IGDCC3: variants seen among roughly 807,000 people sequenced by gnomAD.
The protein encoded by IGDCC3 is putative neuronal cell adhesion molecule.
IGDCC3 carries 47 observed loss-of-function variants against 72.0 expected under a neutral mutation model. The ratio of observed to expected loss-of-function variants is 0.65; its 90% CI spans 0.52 to 0.83. The LOEUF (loss-of-function observed/expected upper bound fraction) is 0.83. Among genes scored for constraint, IGDCC3 ranks in the 40% least tolerant of loss-of-function variants. The probability of loss-of-function intolerance (pLI) is 0.00; values close to 1 mark genes in which losing one functional copy is unlikely to be tolerated. For missense variants in IGDCC3, 1,038 were observed against 1,091.3 expected (o/e 0.95, Z 0.69); for synonymous variants, 477 against 472.8 (o/e 1.01, Z -0.11).
At chr15:65,370,602 G>GTA (rs1236910113) in intron 2 of IGDCC3, among the ~76,000 whole-genome samples, 2 of 97,678 alleles carry the variant, frequency 2.0e-5, no homozygotes, top group Admixed American at 1.1e-4. Flanking sequence ...ATATATGTAT[G>GTA]TGTATATATA....
intron 9 of IGDCC3, 27 bp downstream of exon 9, chr15:65,331,023 G>T (rs777655118): frequency 1.2e-6 from 2 of 1,610,368 alleles, no homozygotes; most frequent in South Asian, 2.2e-5. Flanking sequence ...AGTGCCTGTG[G>T]TTTTGTGCTC....
In IGDCC3 at chr15:65,335,988, G is replaced by C. The variant is rs779832632; in HGVS notation, c.410-32C>G. 25 of 1,611,202 alleles carry C rather than the reference G, an allele frequency of 1.6e-5. 2 individuals carry two copies. In the South Asian group the frequency reaches 2.7e-4, roughly 18 times the overall value. ...GAAGAGAAGTGTATGAGTGCAGTGC[G>C]CTGCTGAGGGCAGAAGGTAGGAGAG... is the stretch of plus-strand genomic sequence containing the variant. On this transcript the variant is annotated intron_variant, in intron 2 of 13. Coordinates refer to ENST00000327987, the MANE Select transcript of IGDCC3 (RefSeq NM_004884.4).
chr15:65,366,598 A>G (rs1388963301), intron 2 of IGDCC3, among the ~76,000 whole-genome samples: 4 of 152,042 alleles, frequency 2.6e-5, no homozygotes, highest in African/African-American at 9.7e-5. Flanking sequence ...CAGAGAAGAG[A>G]GAGAGAAGGG....
intron 2 of IGDCC3, among the ~76,000 whole-genome samples, chr15:65,351,954 G>T (rs567620764): frequency 3.3e-5 from 5 of 152,242 alleles, no homozygotes; most frequent in Admixed American, 1.3e-4. Flanking sequence ...TTAAAAGGTG[G>T]TTTATAATCA....
At chr15:65,331,907 C>T in intron 7 of IGDCC3, 34 bp downstream of exon 7, 1 of 1,596,962 alleles carries the variant, frequency 6.3e-7, no homozygotes. Flanking sequence ...CTGCTCTCCC[C>T]TGGTCCTCAC....
chr15:65,337,384 C>T (rs1281327754), intron 2 of IGDCC3, among the ~76,000 whole-genome samples: 1 of 152,212 alleles, frequency 6.6e-6, no homozygotes, highest in East Asian at 1.9e-4. Flanking sequence ...GTCTGAGTGT[C>T]TGTGTCTGGA....
chr15:65,329,075 A>C lies in IGDCC3; in HGVS notation c.2279T>G (p.Met760Arg), dbSNP rs529267764. 5.3e-5 allele frequency: 85 copies of C among 1,611,542 alleles called. No individual in the cohort carries two copies. The South Asian group carries it at 8.9e-4, about 17-fold the overall frequency. Residue 760 changes from methionine to arginine, a missense_variant, in exon 14 of 14, where the codon ATG becomes AGG. Met to Arg is a moderately conservative substitution (Grantham distance 91). Coordinates refer to ENST00000327987, the MANE Select transcript of IGDCC3 (RefSeq NM_004884.4). The surrounding 1 kb of genome is among the most constrained non-coding windows in gnomAD (Gnocchi z 4.1). ...SVLPLQGCGLMEGKTTEAKTT... is the reference protein window; with the variant it reads ...SVLPLQGCGLREGKTTEAKTT... The stretch of plus-strand genomic sequence containing the variant: ...CTTCGCCTCCGTCGTCTTCCCCTCC[A>C]TCAGGCCGCACCCCTGAAGTGGCAG...
At chr15:65,367,346 CAAAAAAAAA>C (rs10609381) in intron 2 of IGDCC3, among the ~76,000 whole-genome samples, 2 of 74,436 alleles carry the variant, frequency 2.7e-5, no homozygotes, top group East Asian at 7.3e-4. Flanking sequence ...GACTTTGTCT[CAAAAAAAAA>C]AAAAAAAAAA....
At chr15:65,330,139 G>A (rs2090963095) in intron 11 of IGDCC3, among the ~76,000 whole-genome samples, 154 bp downstream of exon 11, 1 of 152,200 alleles carries the variant, frequency 6.6e-6, no homozygotes, top group East Asian at 1.9e-4. Flanking sequence ...GAGAGGTTAA[G>A]TAACTTGACC....
intron 6 of IGDCC3, among the ~76,000 whole-genome samples, chr15:65,332,504 C>T (rs576376058): frequency 7.2e-5 from 11 of 152,278 alleles, no homozygotes; most frequent in South Asian, 2.1e-4. Flanking sequence ...GGGGCCCCCT[C>T]GCCCCCACAT....
intron 5 of IGDCC3, 128 bp downstream of exon 5, chr15:65,334,600 A>C: frequency 1.1e-6 from 1 of 876,668 alleles, no homozygotes; most frequent in South Asian, 1.9e-5. Context: ...TCACAGGGAT[A>C]GAATGGACCC....
chr15:65,367,586 T>C (rs2091295630), intron 2 of IGDCC3, among the ~76,000 whole-genome samples: 1 of 152,086 alleles, frequency 6.6e-6, no homozygotes, highest in South Asian at 2.1e-4. Flanking sequence ...CTGGAGGGGC[T>C]ACGGCCACAC....
chr15:65,375,329 T>C lies in IGDCC3; in HGVS notation c.177A>G (p.Ile59Met), dbSNP rs760613778. ...TCCCCTCCACCCTGCAGTCCAGCAC[T>C]ATAGGCTGCCCGGGGACGGCAACAT... is the stretch of plus-strand genomic sequence containing the variant. Reference protein sequence around the residue: ...SDDVAVPGQPIVLDCRVEGTP... With the variant: ...SDDVAVPGQPMVLDCRVEGTP... The change falls in exon 2 of 14, where the codon ATA (isoleucine) becomes ATG (methionine). Residue 59 changes from isoleucine to methionine, a missense_variant. Ile to Met is a conservative substitution (Grantham distance 10, BLOSUM62 1). Transcript: ENST00000327987. The C allele has an allele frequency of 6.2e-7, 1 of 1,613,004 alleles. No homozygotes were observed. Among genetic ancestry groups the C allele is most frequent in the Admixed American group, 1.7e-5 (1 of 60,000 alleles).
intron 11 of IGDCC3, 39 bp downstream of exon 11, chr15:65,330,254 C>T: frequency 1.4e-6 from 2 of 1,446,172 alleles, no homozygotes; most frequent in Non-Finnish European, 1.9e-6. Context: ...TTCCCGGCTT[C>T]CCACCCACTC....
At chr15:65,355,708 T>G (rs565841702) in intron 2 of IGDCC3, 37 of 427,278 alleles carry the variant, frequency 8.7e-5, no homozygotes, top group South Asian at 5.4e-4. Flanking sequence ...TGAATGGCGC[T>G]GGCTAATTAC....
Position 65,375,333 on chromosome 15 carries a change from G to A in IGDCC3, c.173C>T (p.Pro58Leu). The A allele has an allele frequency of 6.2e-7, 1 of 1,612,710 alleles. No homozygotes were observed. The highest frequency in any genetic ancestry group is 8.5e-7 in the Non-Finnish European group (1 of 1,178,898). The change falls in exon 2 of 14, where the codon CCT becomes CTT. Residue 58 changes from proline to leucine, a missense_variant. Pro to Leu is a moderately conservative substitution (Grantham distance 98, BLOSUM62 -3). Transcript: ENST00000327987. ...PSDDVAVPGQ[P>L]IVLDCRVEGT... ...CTCCACCCTGCAGTCCAGCACTATA[G>A]GCTGCCCGGGGACGGCAACATCATC...
intron 2 of IGDCC3, among the ~76,000 whole-genome samples, chr15:65,369,092 G>A (rs1224192007): frequency 2.6e-5 from 4 of 152,192 alleles, no homozygotes; most frequent in African/African-American, 9.7e-5. Context: ...AGGGTTTAGC[G>A]TGAATGCCAC....
chr15:65,346,495 C>T (rs919155424), intron 2 of IGDCC3, among the ~76,000 whole-genome samples: 27 of 150,812 alleles, frequency 1.8e-4, no homozygotes, highest in African/African-American at 6.1e-4. Context: ...CTCGCTCTGT[C>T]GCTCAGGCTG....
chr15:65,363,661 C>T (rs1260297268), intron 2 of IGDCC3, among the ~76,000 whole-genome samples: 1 of 151,956 alleles, frequency 6.6e-6, no homozygotes, highest in East Asian at 1.9e-4. Flanking sequence ...CCCCGCCACC[C>T]GCCTCCTGCC....
Sources: gnomAD v4.1 joint callset for allele counts (sites outside exome capture counted in the v4.1 genomes callset) on GRCh38, gnomAD v4.1.1 for gene constraint, Gnocchi (gnomAD v3.1) non-coding constraint, MANE v1.5 for transcripts, NCBI Gene and HGNC (gene_info 2026-07-23, HGNC 2026-07-21) for gene names.